Variants in ADSL observed in about 807,000 individuals in gnomAD.
ADSL encodes adenylosuccinase.
A neutral mutation model predicts 62.1 loss-of-function variants in ADSL; 44 were observed. The observed-to-expected ratio is 0.71, with a 90% CI of 0.56 to 0.91. The LOEUF is 0.91. ADSL is among the 40% of genes least tolerant of loss of function. The pLI is 0.00. For missense variants in ADSL, 531 were observed against 627.4 expected, an observed-to-expected ratio of 0.85 and a Z score of 1.64; for synonymous variants, 198 against 220.5, an observed-to-expected ratio of 0.90 and a Z score of 0.90.
intron 12 of ADSL, among the ~76,000 whole-genome samples, chr22:40,365,797 A>G (rs115598113): frequency 1.2e-3 from 177 of 152,068 alleles, no homozygotes; most frequent in African/African-American, 4.2e-3. Context: ...TGAGCCTAGG[A>G]GGTCAAGGCT....
intron 9 of ADSL, among the ~76,000 whole-genome samples, chr22:40,362,555 G>A (rs1285044980): frequency 1.3e-5 from 2 of 152,196 alleles, no homozygotes; most frequent in Non-Finnish European, 2.9e-5. Flanking sequence ...GGAGAGGAAG[G>A]ATATAGATCC....
At chr22:40,381,134 C>T (rs780448761) in intron 2 of ADSL, among the ~76,000 whole-genome samples, 8 of 151,886 alleles carry the variant, frequency 5.3e-5, no homozygotes, top group East Asian at 1.9e-4. Flanking sequence ...AAGAGGTACA[C>T]GCTTTTCTTT....
At chr22:40,360,946 C>T in intron 7 of ADSL, 1 of 392,412 alleles carries the variant, frequency 2.5e-6, no homozygotes, top group South Asian at 2.1e-5. Context: ...GGTGATCCAC[C>T]CACCTCAGCC....
chr22:40,356,806 G>A lies in ADSL; in HGVS notation c.483-2058G>A, dbSNP rs201959398. On this transcript the variant is annotated intron_variant, in intron 4 of 12. Coordinates refer to ENST00000623063, the MANE Select transcript of ADSL (RefSeq NM_000026.4). ...TACAGTGAGCTGTGATTATACCAGC[G>A]TGTGCCAGCCTGGGGTGACAGAGTG... Among the ~76,000 whole-genome samples the A allele has an allele frequency of 3.9e-5, 6 of 152,264 alleles. No homozygotes were observed. The Middle Eastern group carries it at 0.014, about 345-fold the overall frequency.
At chr22:40,384,301 C>T (rs914954312) in intron 2 of ADSL, among the ~76,000 whole-genome samples, 1 of 151,990 alleles carries the variant, frequency 6.6e-6, no homozygotes, top group African/African-American at 2.4e-5. Context: ...ACCTTAGGAT[C>T]TGAATGTCTT....
chr22:40,349,838 G>A lies in ADSL; in HGVS notation c.160G>A (p.Gly54Ser). The A allele has an allele frequency of 6.2e-7, 1 of 1,613,842 alleles. No individual in the cohort carries two copies. Among genetic ancestry groups the A allele is most frequent in the Non-Finnish European group, 8.5e-7 (1 of 1,179,842 alleles). Reference sequence around the variant, plus strand: ...TATTTTGCCTATTCTGCAGACATTGGGTTTGCCTATCACAGATGAACAAAT... The same window carrying A: ...TATTTTGCCTATTCTGCAGACATTGAGTTTGCCTATCACAGATGAACAAAT... ...LWLAEAEQTL[G>S]LPITDEQIQE... The change falls in exon 2 of 13, where the codon GGT (glycine) becomes AGT (serine). Residue 54 changes from glycine (G) to serine (S), a missense_variant. Gly to Ser is a moderately conservative substitution (Grantham distance 56). Around this residue, in one of 2 missense-constraint regions of ADSL, gnomAD observed 471 missense variants for 592.9 expected, o/e 0.79. Coordinates refer to ENST00000623063, the MANE Select transcript of ADSL (RefSeq NM_000026.4).
rs1235290993 is a variant in ADSL at position 40,364,890 on chromosome 22, A to G, written c.1202A>G (p.Glu401Gly). The G allele has an allele frequency of 6.2e-7, 1 of 1,614,240 alleles. No individual in the cohort carries two copies. Among genetic ancestry groups the G allele is most frequent in the East Asian group, 2.2e-5 (1 of 44,892 alleles). ...KAGGSRQDCH[E>G]KIRVLSQQAA... ...TCACTGTCTTCCCAGGATTGCCATGAGAAAATCAGAGTGCTTTCTCAGCAG... is the reference window on the plus strand; with the variant it reads ...TCACTGTCTTCCCAGGATTGCCATGGGAAAATCAGAGTGCTTTCTCAGCAG... The change falls in exon 12 of 13, where the codon GAG becomes GGG. Residue 401 changes from glutamate (E) to glycine (G), a missense_variant. Around this residue, in one of 2 missense-constraint regions of ADSL, gnomAD observed 471 missense variants for 592.9 expected, o/e 0.79. Transcript: ENST00000623063.
chr22:40,366,583 T>C lies in ADSL; in HGVS notation c.*61T>C, dbSNP rs113814743. The C allele has an allele frequency of 6.4e-5, 77 of 1,210,532 alleles. 1 individual carries two copies. In the African/African-American group the frequency reaches 6.9e-4, roughly 11 times the overall value. The allele number at this position is 1,210,532 out of a possible 1,614,324, so 75.0% of individuals were successfully genotyped here. A position where few individuals can be genotyped will look rare whatever the true frequency, so the allele number is the denominator to read the frequency against. ...TGCTGAGGCATGAAAATTGTGTTAC[T>C]ATAATGCCTTATTTTACCTCGAGAA... is the stretch of plus-strand genomic sequence containing the variant. On this transcript the variant is annotated 3_prime_UTR_variant, in exon 13 of 13. Coordinates refer to ENST00000623063, the MANE Select transcript of ADSL (RefSeq NM_000026.4).
chr22:40,348,740 A>G (rs2044237337), intron 1 of ADSL: 6 of 396,834 alleles, frequency 1.5e-5, no homozygotes, highest in East Asian at 3.6e-5. Flanking sequence ...ATATCTGGCT[A>G]GTAGCTCCTT....
At chr22:40,375,205 T>G (rs892556738) in intron 2 of ADSL, among the ~76,000 whole-genome samples, 1 of 152,236 alleles carries the variant, frequency 6.6e-6, no homozygotes, top group Non-Finnish European at 1.5e-5. Flanking sequence ...TTCTCTCTAC[T>G]AATGATGTAA....
chr22:40,350,025 G>T lies in ADSL; in HGVS notation c.347G>T (p.Gly116Val), dbSNP rs768596079. Reference sequence around the variant, plus strand: ...CTTGGTGCTACTTCTTGCTATGTTGGAGACAATACTGTAGGCGCCTGTGTT... The same window carrying T: ...CTTGGTGCTACTTCTTGCTATGTTGTAGACAATACTGTAGGCGCCTGTGTT... ...IHLGATSCYVGDNTDLIILRN... is the reference protein window; with the variant it reads ...IHLGATSCYVVDNTDLIILRN... The change falls in exon 2 of 13, where the codon GGA becomes GTA. Residue 116 changes from glycine to valine, a missense_variant. Transcript: ENST00000623063. 1 of 1,613,884 alleles carries T rather than the reference G, an allele frequency of 6.2e-7. No individual in the cohort carries two copies. Among genetic ancestry groups the T allele is most frequent in the East Asian group, 2.2e-5 (1 of 44,890 alleles).
chr22:40,379,288 A>G (rs953184589), intron 2 of ADSL: 1 of 152,204 alleles, frequency 6.6e-6, no homozygotes, highest in Admixed American at 6.5e-5. Flanking sequence ...CCTCAACACA[A>G]AGTCACCATT....
downstream of ADSL, among the ~76,000 whole-genome samples, chr22:40,372,429 CT>C (rs2045770240): frequency 2.0e-5 from 3 of 152,136 alleles, no homozygotes; most frequent in Non-Finnish European, 4.4e-5. Flanking sequence ...CTGGCCCTCC[CT>C]GTCCCTTTTT....
At chr22:40,358,822 G>A (rs760543333) in intron 4 of ADSL, 42 bp from the exon 5 acceptor site, 10 of 1,606,686 alleles carry the variant, frequency 6.2e-6, no homozygotes, top group South Asian at 1.1e-5. Flanking sequence ...ATGATTTAAG[G>A]TCTCGGTCTG....
chr22:40,365,968 G>A (rs952791858), intron 12 of ADSL, among the ~76,000 whole-genome samples: 1 of 151,998 alleles, frequency 6.6e-6, no homozygotes, highest in African/African-American at 2.4e-5. Flanking sequence ...CAAGCAGTAC[G>A]TGCAAGGACT....
intron 5 of ADSL, 37 bp downstream of exon 5, chr22:40,359,072 A>G (rs377456270): frequency 9.1e-5 from 147 of 1,612,232 alleles, no homozygotes; most frequent in Non-Finnish European, 1.1e-4. Flanking sequence ...CAGAAACTCA[A>G]TGGTGGAGCC....
chr22:40,380,625 A>T (rs912859662), intron 2 of ADSL, among the ~76,000 whole-genome samples: 1 of 152,080 alleles, frequency 6.6e-6, no homozygotes, highest in African/African-American at 2.4e-5. Flanking sequence ...GGCGTGAGTC[A>T]CTGTGCCCAG....
Position 40,358,852 on chromosome 22 carries a change from T to G in ADSL, c.483-12T>G. ...GGTCTGAGACTTTCGTGTGTTCTCT[T>G]TGGGTTTTCAGGCCTGCACAGCTGA... On this transcript the variant is annotated splice_polypyrimidine_tract_variant and intron_variant, in intron 4 of 12. Transcript: ENST00000623063. 6.2e-7 allele frequency: 1 copy of G among 1,614,116 alleles called. No individual in the cohort carries two copies. The highest frequency in any genetic ancestry group is 8.5e-7 in the Non-Finnish European group (1 of 1,179,992).
downstream of ADSL, chr22:40,369,517 A>G (rs965001267): frequency 6.8e-6 from 1 of 146,222 alleles, no homozygotes; most frequent in Non-Finnish European, 1.5e-5. Context: ...TTTTATATAT[A>G]TATATAGACA....
Sources: allele counts gnomAD v4.1 joint callset (sites outside exome capture counted in the v4.1 genomes callset), GRCh38; gene constraint gnomAD v4.1.1; regional missense constraint gnomAD v4.1.1; transcripts MANE v1.5; gene names NCBI Gene and HGNC (gene_info 2026-07-23, HGNC 2026-07-21).